BICDL1: variants seen among roughly 807,000 people sequenced by gnomAD.
The protein encoded by BICDL1 is BICD family-like cargo adapter 1.
In BICDL1, 20 loss-of-function variants were observed where a neutral mutation model predicts 76.8. The observed-to-expected ratio is 0.26, with a 90% confidence interval of 0.18 to 0.38. The LOEUF (loss-of-function observed/expected upper bound fraction) is 0.38, where lower values mean the gene tolerates loss of function less well. Among genes scored for constraint, BICDL1 ranks in the 10% least tolerant of loss-of-function variants. The pLI is 1.00. For missense variants in BICDL1, 700 were observed against 798.6 expected (o/e 0.88, Z 1.49); for synonymous variants, 383 against 337.1 (o/e 1.14, Z -1.49).
At chr12:120,029,425 G>C (rs1317333153) in intron 2 of BICDL1, among the ~76,000 whole-genome samples, 1 of 152,052 alleles carries the variant, frequency 6.6e-6, no homozygotes, top group Admixed American at 6.5e-5. Flanking sequence ...TGCCATTCAT[G>C]GACCCCGAAT....
intron 4 of BICDL1, 89 bp downstream of exon 4, chr12:120,064,968 C>G (rs1221191563): frequency 1.3e-5 from 18 of 1,426,714 alleles, no homozygotes; most frequent in Non-Finnish European, 1.7e-5. Context: ...GCCAGCATCA[C>G]TGCTGGGGTA....
At chr12:120,036,704 C>T (rs1399932801) in intron 2 of BICDL1, among the ~76,000 whole-genome samples, 2 of 152,026 alleles carry the variant, frequency 1.3e-5, no homozygotes, top group East Asian at 3.9e-4. Flanking sequence ...AGTGAAACCC[C>T]ATCTCTACTA....
intron 2 of BICDL1, among the ~76,000 whole-genome samples, chr12:120,008,632 T>C (rs1392246538): frequency 6.6e-6 from 1 of 152,212 alleles, no homozygotes. Flanking sequence ...TGTATTTCTA[T>C]CTCATTGATT....
intron 9 of BICDL1, chr12:120,091,684 C>CCTGCT: frequency 1.0e-6 from 1 of 985,198 alleles, no homozygotes; most frequent in East Asian, 1.1e-4. Context: ...AGGCCCTGAG[C>CCTGCT]CAGAGCGCGT....
rs116579698 is a variant in BICDL1 at position 119,990,308 on chromosome 12, C to T, written c.429+11C>T. 2,496 of 1,554,624 alleles carry T rather than the reference C, an allele frequency of 1.6e-3. 35 individuals are homozygous for T. In the African/African-American group the frequency reaches 0.027, roughly 17 times the overall value. ...ACAGACAAGCTCGAGGTGAGGACCT[C>T]CCTCCAGGGATGGGTGGGGAGCAGG... is the stretch of plus-strand genomic sequence containing the variant. On this transcript the variant is annotated intron_variant, in intron 1 of 9. Transcript: ENST00000548673.
At position 119,991,627 on chromosome 12, in the gene BICDL1, T is replaced by C. The variant is rs138880142; in HGVS notation, c.429+1330T>C. ...ATAAAAAGCCTTCCTTTTTTTTTTA[T>C]AAAGAGATTCAGTTGTACGACTTTG... On this transcript the variant is annotated intron_variant, in intron 1 of 9. Coordinates refer to ENST00000548673, the MANE Select transcript of BICDL1 (RefSeq NM_001367886.1). 5.0e-3 allele frequency among the ~76,000 whole-genome samples: 757 copies of C among 152,226 alleles called. 7 individuals carry two copies. Among genetic ancestry groups the C allele is most frequent in the African/African-American group, 0.017 (720 of 41,542 alleles).
At chr12:120,047,501 C>G (rs1851779276) in intron 2 of BICDL1, among the ~76,000 whole-genome samples, 1 of 152,138 alleles carries the variant, frequency 6.6e-6, no homozygotes, top group African/African-American at 2.4e-5. Flanking sequence ...CAGATTATCT[C>G]TGAAGTTTCA....
chr12:120,013,277 T>C (rs1462634377), intron 2 of BICDL1, among the ~76,000 whole-genome samples: 5 of 147,410 alleles, frequency 3.4e-5, no homozygotes, highest in Non-Finnish European at 7.4e-5. Context: ...TCACACCTCT[T>C]CACTCCAGCC....
At chr12:119,992,052 T>C (rs906162416) in intron 1 of BICDL1, among the ~76,000 whole-genome samples, 1 of 152,240 alleles carries the variant, frequency 6.6e-6, no homozygotes, top group Non-Finnish European at 1.5e-5. Context: ...CACAACAATG[T>C]GAATATAACT....
At chr12:120,019,954 G>T (rs1052326388) in intron 2 of BICDL1, among the ~76,000 whole-genome samples, 7 of 152,216 alleles carry the variant, frequency 4.6e-5, no homozygotes, top group African/African-American at 1.4e-4. Context: ...CAAGCAATGA[G>T]AGAGAGGTCA....
chr12:120,041,074 T>C (rs759681597), intron 2 of BICDL1, among the ~76,000 whole-genome samples: 2 of 152,222 alleles, frequency 1.3e-5, no homozygotes, highest in Non-Finnish European at 2.9e-5. Flanking sequence ...AGAAAAAATC[T>C]TGCCATGATT....
At chr12:120,040,533 A>G (rs1322695135) in intron 2 of BICDL1, among the ~76,000 whole-genome samples, 2 of 151,894 alleles carry the variant, frequency 1.3e-5, no homozygotes, top group African/African-American at 4.8e-5. Flanking sequence ...CTCCTACCTC[A>G]GCCTCCTGAG....
At chr12:120,046,926 C>T (rs1952761209) in intron 2 of BICDL1, among the ~76,000 whole-genome samples, 2 of 152,204 alleles carry the variant, frequency 1.3e-5, no homozygotes, top group Admixed American at 1.3e-4. Flanking sequence ...AGGGATCTGA[C>T]ATTGAATAAT....
intron 2 of BICDL1, among the ~76,000 whole-genome samples, chr12:120,044,127 G>A (rs1594159447): frequency 6.6e-6 from 1 of 152,216 alleles, no homozygotes; most frequent in Non-Finnish European, 1.5e-5. Flanking sequence ...GTTCAGGGAA[G>A]AAAAAGCCAT....
intron 2 of BICDL1, among the ~76,000 whole-genome samples, chr12:120,030,059 C>A (rs1367724534): frequency 6.6e-6 from 1 of 152,178 alleles, no homozygotes; most frequent in African/African-American, 2.4e-5. Flanking sequence ...CAGCGTACAA[C>A]ATGATGAGTT....
At chr12:120,038,719 G>A (rs1399965805) in intron 2 of BICDL1, among the ~76,000 whole-genome samples, 1 of 152,144 alleles carries the variant, frequency 6.6e-6, no homozygotes, top group East Asian at 1.9e-4. Context: ...TTTAATGCTA[G>A]TAATAAGGCC....
intron 2 of BICDL1, among the ~76,000 whole-genome samples, chr12:120,011,259 A>G (rs928267758): frequency 2.0e-5 from 3 of 152,208 alleles, no homozygotes; most frequent in Admixed American, 1.3e-4. Context: ...GTCAGAGCTC[A>G]GTCACATGGC....
rs564058309 is a variant in BICDL1, at chr12:120,039,019, C to T, written c.646-22691C>T. 2.6e-5 allele frequency among the ~76,000 whole-genome samples: 4 copies of T among 152,158 alleles called. 1 individual carries two copies. The highest frequency in any genetic ancestry group is 2.0e-4 in the Admixed American group (3 of 15,250). Reference sequence around the variant, plus strand: ...ATGAATTAGAAGACAAAAACAAGGCCGGGCACGGTGACTCAGCCTGTAAAC... The same window carrying T: ...ATGAATTAGAAGACAAAAACAAGGCTGGGCACGGTGACTCAGCCTGTAAAC... On this transcript the variant is annotated intron_variant, in intron 2 of 9. Coordinates refer to ENST00000548673, the MANE Select transcript of BICDL1 (RefSeq NM_001367886.1).
At chr12:119,990,887 A>G (rs944325089) in intron 1 of BICDL1, among the ~76,000 whole-genome samples, 1 of 152,236 alleles carries the variant, frequency 6.6e-6, no homozygotes, top group African/African-American at 2.4e-5. Flanking sequence ...AGTGGATTTA[A>G]TTTGGGCCTC....
Sources: allele counts gnomAD v4.1 joint callset (sites outside exome capture counted in the v4.1 genomes callset), GRCh38; gene constraint gnomAD v4.1.1; transcripts MANE v1.5; gene names NCBI Gene and HGNC (gene_info 2026-07-23, HGNC 2026-07-21).